PTK2: variants seen among roughly 807,000 people sequenced by gnomAD.
PTK2 encodes focal adhesion kinase 1.
PTK2 carries 45 observed loss-of-function variants against 150.1 expected under a neutral mutation model. The observed-to-expected ratio is 0.30, with a 90% CI of 0.24 to 0.38. The LOEUF (loss-of-function observed/expected upper bound fraction) is 0.38. Among genes scored for constraint, PTK2 ranks in the 10% least tolerant of loss-of-function variants. PTK2 has a pLI of 1.00. For synonymous variants in PTK2, 432 were observed against 449.2 expected, an observed-to-expected ratio of 0.96 and a Z score of 0.48; for missense variants, 919 against 1,307.3, an observed-to-expected ratio of 0.70 and a Z score of 4.58.
intron 21 of PTK2, 58 bp from the exon 25 acceptor site, chr8:140,735,513 G>C: frequency 6.4e-7 from 1 of 1,554,598 alleles, no homozygotes; most frequent in Non-Finnish European, 8.9e-7. Flanking sequence ...GTAACTCCCA[G>C]GTTCCAGGAA....
intron 30 of PTK2, 138 bp downstream of exon 34, chr8:140,668,131 G>C (rs868124957): frequency 2.1e-6 from 2 of 955,404 alleles, no homozygotes; most frequent in East Asian, 5.2e-5. Flanking sequence ...TCACTGTATG[G>C]TGCTTTCGTG....
At chr8:140,797,835 TA>T (rs543706658) in intron 12 of PTK2, among the ~76,000 whole-genome samples, 154 of 152,344 alleles carry the variant, frequency 1.0e-3, no homozygotes, top group African/African-American at 3.1e-3. Flanking sequence ...AAAATTAATT[TA>T]TTTTTTTTAG....
At chr8:140,733,977 G>C (rs2100051097) in intron 22 of PTK2, among the ~76,000 whole-genome samples, 1 of 152,204 alleles carries the variant, frequency 6.6e-6, no homozygotes, top group Non-Finnish European at 1.5e-5. Flanking sequence ...TGGACCCACA[G>C]AACCTAGCTT....
chr8:140,859,682 A>G (rs2100134887), intron 5 of PTK2, among the ~76,000 whole-genome samples: 1 of 152,138 alleles, frequency 6.6e-6, no homozygotes, highest in Non-Finnish European at 1.5e-5. Flanking sequence ...TTTCAGCTGC[A>G]TTCTCAGATA....
At chr8:140,732,979 GA>G (rs992006223) in intron 22 of PTK2, among the ~76,000 whole-genome samples, 2 of 152,204 alleles carry the variant, frequency 1.3e-5, no homozygotes, top group African/African-American at 4.8e-5. Context: ...AGGCCATAAT[GA>G]AATGAGGCCT....
chr8:140,891,505 T>C (rs1309603554), intron 2 of PTK2, among the ~76,000 whole-genome samples: 12 of 151,928 alleles, frequency 7.9e-5, no homozygotes, highest in Admixed American at 7.9e-4. Flanking sequence ...AGACAATGAG[T>C]GACACAGATG....
At chr8:140,756,976 G>T (rs1250281910) in intron 16 of PTK2, among the ~76,000 whole-genome samples, 1 of 149,588 alleles carries the variant, frequency 6.7e-6, no homozygotes, top group East Asian at 2.0e-4. Flanking sequence ...GCAACAGAGC[G>T]ATACTCCGTC....
intron 16 of PTK2, among the ~76,000 whole-genome samples, chr8:140,757,413 A>T (rs1044920776): frequency 6.6e-6 from 1 of 152,242 alleles, no homozygotes. Context: ...AGTAAAAAAC[A>T]GCAAAAAATA....
intron 5 of PTK2, among the ~76,000 whole-genome samples, chr8:140,858,793 C>T (rs1300784026): frequency 2.6e-5 from 4 of 152,160 alleles, no homozygotes; most frequent in Non-Finnish European, 5.9e-5. Flanking sequence ...ACATTCCACT[C>T]AAGCAAAACT....
In PTK2 at chr8:140,897,390, TTTTG is replaced by T. The variant is rs1362662520; in HGVS notation, c.-32-6625_-32-6622del. ...CAAAAGAAAAAAAAAAGGAATGTTATTTTGTTTTACACTTTAATGTTTTATCTGC... is the reference window on the plus strand; with the variant it reads ...CAAAAGAAAAAAAAAAGGAATGTTATTTTTACACTTTAATGTTTTATCTGC... On this transcript the variant is annotated intron_variant, in intron 2 of 31. Coordinates refer to ENST00000522684, the Ensembl canonical transcript of PTK2. Among the ~76,000 whole-genome samples, 4 of 151,906 alleles carry T rather than the reference TTTTG, an allele frequency of 2.6e-5. No individual in the cohort carries two copies. The East Asian group carries it at 6.1e-4, about 23-fold the overall frequency.
chr8:140,934,144 T>C (rs950359411), intron 1 of PTK2, among the ~76,000 whole-genome samples: 2 of 152,150 alleles, frequency 1.3e-5, no homozygotes, highest in Admixed American at 6.5e-5. Context: ...AGAAATCATA[T>C]ATCTAATAAA....
intron 5 of PTK2, among the ~76,000 whole-genome samples, chr8:140,851,139 CTGAG>C (rs1273824800): frequency 6.6e-6 from 1 of 152,200 alleles, no homozygotes; most frequent in African/African-American, 2.4e-5. Flanking sequence ...GCCTAGCTGA[CTGAG>C]TTTTTGTCAG....
At chr8:140,672,151 CT>C (rs2153226381) in intron 29 of PTK2, 1 of 453,494 alleles carries the variant, frequency 2.2e-6, no homozygotes. Context: ...AAAGTCTGTT[CT>C]TTTGGCTTAT....
At chr8:140,710,034 C>T (rs1050407237) in intron 23 of PTK2, among the ~76,000 whole-genome samples, 3 of 152,036 alleles carry the variant, frequency 2.0e-5, no homozygotes, top group African/African-American at 7.3e-5. Context: ...ACTATGTAAG[C>T]CGGGTGCAGT....
At chr8:140,932,992 C>G (rs1288317180) in intron 1 of PTK2, among the ~76,000 whole-genome samples, 1 of 151,994 alleles carries the variant, frequency 6.6e-6, no homozygotes, top group Non-Finnish European at 1.5e-5. Flanking sequence ...GCTGGGATTA[C>G]AGGTGTGTGC....
chr8:140,830,423 T>C, intron 8 of PTK2, 49 bp downstream of exon 8: 1 of 1,248,614 alleles, frequency 8.0e-7, no homozygotes, highest in Non-Finnish European at 1.1e-6. Context: ...GGGGAAAAGG[T>C]CTTGGCATAA....
At chr8:140,924,286 C>A (rs1480986753) in intron 2 of PTK2, among the ~76,000 whole-genome samples, 5 of 152,180 alleles carry the variant, frequency 3.3e-5, no homozygotes, top group Non-Finnish European at 7.4e-5. Flanking sequence ...ATCCAGACCA[C>A]CCTGTCTGAA....
chr8:140,748,655 GT>G (rs1342361405), intron 17 of PTK2, among the ~76,000 whole-genome samples: 1 of 152,150 alleles, frequency 6.6e-6, no homozygotes, highest in Non-Finnish European at 1.5e-5. Context: ...AGTAACATGA[GT>G]TTGACCGCCT....
At chr8:140,751,987 C>T (rs1210330827) in intron 17 of PTK2, 1 of 651,870 alleles carries the variant, frequency 1.5e-6, no homozygotes. Context: ...TGTGTAATGG[C>T]CTAAGTACCA....
Sources: gnomAD v4.1 joint callset for allele counts (sites outside exome capture counted in the v4.1 genomes callset) on GRCh38, gnomAD v4.1.1 for gene constraint, MANE v1.5 for transcripts, NCBI Gene and HGNC (gene_info 2026-07-23, HGNC 2026-07-21) for gene names.